The following IFT81 variants were observed in gnomAD, a reference collection of about 807,000 sequenced individuals.
The protein encoded by IFT81 is intraflagellar transport 81, also known as intraflagellar transport protein 81 homolog.
In IFT81, 72 loss-of-function variants were observed where a neutral mutation model predicts 102.6. The ratio of observed to expected loss-of-function variants is 0.70; its 90% CI spans 0.58 to 0.85. The LOEUF (loss-of-function observed/expected upper bound fraction) is 0.85, where lower values mean the gene tolerates loss of function less well. Ranked by LOEUF, IFT81 falls within the 40% of genes least tolerant of loss-of-function variation. The pLI, the probability that IFT81 is intolerant of heterozygous loss-of-function variation, is 0.00. For missense variants in IFT81, 723 were observed against 787.3 expected, an observed-to-expected ratio of 0.92 and a Z score of 0.98; for synonymous variants, 237 against 242.7, an observed-to-expected ratio of 0.98 and a Z score of 0.22.
chr12:110,202,695 C>T (rs1349203054), intron 14 of IFT81, among the ~76,000 whole-genome samples: 3 of 76 alleles, frequency 0.039, no homozygotes, highest in South Asian at 0.17. Context: ...CCTCATGATC[C>T]GCCCACCTGG....
intron 9 of IFT81, among the ~76,000 whole-genome samples, chr12:110,145,798 A>ATTTTG (rs147861077): frequency 1.6e-4 from 24 of 149,694 alleles, no homozygotes; most frequent in South Asian, 1.1e-3. Context: ...TCTGGCTAAA[A>ATTTTG]TTTTGTTTTG....
Position 110,157,079 on chromosome 12 carries a change from G to A in IFT81, c.1042-5840G>A, listed in dbSNP as rs138295560. Among the ~76,000 whole-genome samples the A allele has an allele frequency of 1.9e-3, 290 of 152,012 alleles. 1 individual carries two copies. Among genetic ancestry groups the A allele is most frequent in the African/African-American group, 6.4e-3 (266 of 41,446 alleles). ...TAAAAGGCCTTAGAGGCCAGACACGGTGGCTCATGCCTGTAATCCCAACAC... is the reference window on the plus strand; with the variant it reads ...TAAAAGGCCTTAGAGGCCAGACACGATGGCTCATGCCTGTAATCCCAACAC... On this transcript the variant is annotated intron_variant, in intron 10 of 18. Coordinates refer to ENST00000242591, the MANE Select transcript of IFT81 (RefSeq NM_014055.4).
chr12:110,168,438 G>T, intron 11 of IFT81: 5 of 902,158 alleles, frequency 5.5e-6, no homozygotes, highest in Non-Finnish European at 6.6e-6. Context: ...TAATGTGGTA[G>T]AATTCAAGTT....
At chr12:110,211,862 A>C (rs1428979364) in intron 18 of IFT81, among the ~76,000 whole-genome samples, 1 of 152,126 alleles carries the variant, frequency 6.6e-6, no homozygotes, top group Non-Finnish European at 1.5e-5. Flanking sequence ...TTTAGCTGCA[A>C]GTTTTCTTTT....
At chr12:110,169,344 G>T (rs1312450375) in intron 11 of IFT81, among the ~76,000 whole-genome samples, 1 of 152,006 alleles carries the variant, frequency 6.6e-6, no homozygotes, top group Non-Finnish European at 1.5e-5. Context: ...CTGCGATTTT[G>T]CTTGGTATTC....
chr12:110,151,939 AC>A (rs1233241937), intron 10 of IFT81, among the ~76,000 whole-genome samples: 2 of 152,146 alleles, frequency 1.3e-5, no homozygotes, highest in Non-Finnish European at 2.9e-5. Flanking sequence ...ATTTCATTTA[AC>A]ATAGTGTCCT....
At chr12:110,202,619 A>T (rs1395443295) in intron 14 of IFT81, among the ~76,000 whole-genome samples, 8 of 151,634 alleles carry the variant, frequency 5.3e-5, no homozygotes, top group African/African-American at 1.9e-4. Context: ...TGCCCAGCTA[A>T]TTTTTTTGTA....
chr12:110,182,465 C>CA lies in IFT81; in HGVS notation c.1338+1895dup, dbSNP rs1897346357. Among the ~76,000 whole-genome samples, 5 of 152,260 alleles carry CA rather than the reference C, an allele frequency of 3.3e-5. No homozygotes were observed. The South Asian group carries it at 1.0e-3, about 32-fold the overall frequency. On this transcript the variant is annotated intron_variant, in intron 12 of 18. Transcript: ENST00000242591. The stretch of plus-strand genomic sequence containing the variant: ...AGATGACTTACTTGGTGGGATGACC[C>CA]AGTTCCTCATCCTTGAGAAGTGTGA...
chr12:110,215,446 T>TGAAGA, intron 18 of IFT81, among the ~76,000 whole-genome samples: 2 of 140,694 alleles, frequency 1.4e-5, no homozygotes, highest in Non-Finnish European at 3.0e-5. Context: ...CTCTTCTTCT[T>TGAAGA]CTTCTTCTTT....
intron 11 of IFT81, among the ~76,000 whole-genome samples, chr12:110,171,214 A>G (rs1896709378): frequency 6.6e-6 from 1 of 152,142 alleles, no homozygotes; most frequent in South Asian, 2.1e-4. Flanking sequence ...TTATGCATGC[A>G]GTCTAGGTAA....
intron 10 of IFT81, among the ~76,000 whole-genome samples, chr12:110,149,944 A>C (rs1387049073): frequency 6.6e-6 from 1 of 152,120 alleles, no homozygotes; most frequent in African/African-American, 2.4e-5. Flanking sequence ...TGAAGGCAGG[A>C]GTGCCTGTCC....
At chr12:110,128,616 G>A (rs1319951377) in intron 3 of IFT81, among the ~76,000 whole-genome samples, 6 of 151,290 alleles carry the variant, frequency 4.0e-5, no homozygotes, top group Admixed American at 2.0e-4. Flanking sequence ...ATGGCGAAAC[G>A]CTGCCTCTAC....
At chr12:110,203,356 T>TC (rs1452101953) in intron 14 of IFT81, 4 of 155,404 alleles carry the variant, frequency 2.6e-5, no homozygotes, top group African/African-American at 9.6e-5. Flanking sequence ...TAGCTTTCAA[T>TC]CCTTTATACA....
chr12:110,128,953 T>C lies in IFT81; in HGVS notation c.252T>C (p.Ser84=). The change falls in exon 4 of 19, where the codon AGT becomes AGC. Residue 84 remains serine (S), a synonymous_variant. Coordinates refer to ENST00000242591, the MANE Select transcript of IFT81 (RefSeq NM_014055.4). ...TGTATGTGTGTTTCTCTCTTAGGAG[T>C]ACTTTTCGTCAGGGTTTGGTGATTG... The part of the protein sequence containing the change: ...YKPSGNATDM[S]TFRQGLVIGS... 6.2e-7 allele frequency: 1 copy of C among 1,612,982 alleles called. No homozygotes were observed. Among genetic ancestry groups the C allele is most frequent in the Non-Finnish European group, 8.5e-7 (1 of 1,179,446 alleles).
At chr12:110,129,203 CTT>C in intron 4 of IFT81, 73 bp downstream of exon 4, 1 of 1,155,942 alleles carries the variant, frequency 8.7e-7, no homozygotes, top group East Asian at 2.6e-5. Flanking sequence ...ACATGTTACT[CTT>C]TTTTTATTTG....
At chr12:110,217,143 G>A (rs570470163) in intron 18 of IFT81, among the ~76,000 whole-genome samples, 1 of 151,842 alleles carries the variant, frequency 6.6e-6, no homozygotes, top group South Asian at 2.1e-4. Context: ...CTCCCAGATT[G>A]AAGCCATTCT....
At chr12:110,215,453 CTTTTTTTTTTTTTTTTTT>C (rs556887393) in intron 18 of IFT81, among the ~76,000 whole-genome samples, 2 of 61,946 alleles carry the variant, frequency 3.2e-5, no homozygotes, top group Non-Finnish European at 5.7e-5. Flanking sequence ...TCTTCTTCTT[CTTTTTTTTTTTTTTTTTT>C]TTTTTTTTTT....
chr12:110,131,399 T>A (rs1285514494), intron 4 of IFT81, among the ~76,000 whole-genome samples: 1 of 151,922 alleles, frequency 6.6e-6, no homozygotes, highest in Non-Finnish European at 1.5e-5. Context: ...CAGGCTGGAG[T>A]GCAGTGGTGT....
intron 2 of IFT81, 38 bp from the exon 3 acceptor site, chr12:110,128,008 A>G (rs774653665): frequency 7.2e-7 from 1 of 1,382,270 alleles, no homozygotes; most frequent in African/African-American, 1.4e-5. Context: ...TTTGTTACAT[A>G]TACAACAATA....
Sources: allele counts gnomAD v4.1 joint callset (sites outside exome capture counted in the v4.1 genomes callset), GRCh38; gene constraint gnomAD v4.1.1; transcripts MANE v1.5; gene names NCBI Gene and HGNC (gene_info 2026-07-23, HGNC 2026-07-21).